The following RSRC1 variants were observed in gnomAD, a reference collection of about 807,000 sequenced individuals.
The protein encoded by RSRC1 is serine/Arginine-related protein 53.
In RSRC1, 39 loss-of-function variants were observed where a neutral mutation model predicts 49.1. The ratio of observed to expected loss-of-function variants is 0.79; its 90% confidence interval spans 0.61 to 1.04. RSRC1 has a LOEUF of 1.04. Among genes scored for constraint, RSRC1 ranks in the 50% least tolerant of loss-of-function variants. The probability of loss-of-function intolerance (pLI) is 0.00; values close to 1 mark genes in which losing one functional copy is unlikely to be tolerated. For missense variants in RSRC1, 388 were observed against 402.4 expected, an observed-to-expected ratio of 0.96 and a Z score of 0.31; for synonymous variants, 143 against 130.8, an observed-to-expected ratio of 1.09 and a Z score of -0.63.
intron 7 of RSRC1, among the ~76,000 whole-genome samples, chr3:158,530,506 A>G (rs1712321137): frequency 6.6e-6 from 1 of 151,888 alleles, no homozygotes; most frequent in Non-Finnish European, 1.5e-5. Flanking sequence ...TCATTAAAAC[A>G]TAAGCTCATG....
chr3:158,209,117 T>A (rs1427261242), intron 4 of RSRC1, among the ~76,000 whole-genome samples: 2 of 152,180 alleles, frequency 1.3e-5, no homozygotes, highest in African/African-American at 4.8e-5. Context: ...AAAATTTGGT[T>A]TCAGGCAGTT....
chr3:158,295,856 A>G (rs1371804021), intron 4 of RSRC1, among the ~76,000 whole-genome samples: 1 of 152,062 alleles, frequency 6.6e-6, no homozygotes, highest in Non-Finnish European at 1.5e-5. Context: ...AAATTAAGTG[A>G]TTTTCCCTAA....
chr3:158,436,828 C>G (rs895428719), intron 6 of RSRC1, among the ~76,000 whole-genome samples: 2 of 151,834 alleles, frequency 1.3e-5, no homozygotes, highest in Non-Finnish European at 1.5e-5. Flanking sequence ...ACTCATTCAA[C>G]TTTTACAATA....
At chr3:158,416,907 GA>G (rs948700212) in intron 6 of RSRC1, among the ~76,000 whole-genome samples, 2 of 151,910 alleles carry the variant, frequency 1.3e-5, no homozygotes, top group African/African-American at 4.8e-5. Flanking sequence ...CGTATCTGAA[GA>G]TTTTTTTTAA....
At chr3:158,361,658 G>A (rs897551775) in intron 6 of RSRC1, among the ~76,000 whole-genome samples, 2 of 152,176 alleles carry the variant, frequency 1.3e-5, no homozygotes, top group Admixed American at 1.3e-4. Flanking sequence ...CTATGCTTAA[G>A]GTTCTAAAGT....
Position 158,450,716 on chromosome 3 carries a change from A to C in RSRC1, c.584-10219A>C, listed in dbSNP as rs1355849857. Among the ~76,000 whole-genome samples the C allele has an allele frequency of 3.3e-5, 5 of 152,092 alleles. No homozygotes were observed. In the South Asian group the frequency reaches 8.3e-4, roughly 25 times the overall value. ...ATGAATTTGATAATTATTACTAATG[A>C]GTTTTTAGGTTATCTGTTGTTCTGA... On this transcript the variant is annotated intron_variant, in intron 6 of 9. Coordinates refer to ENST00000611884, the MANE Select transcript of RSRC1 (RefSeq NM_001271838.2).
At chr3:158,249,567 G>T (rs1724091924) in intron 4 of RSRC1, among the ~76,000 whole-genome samples, 2 of 152,158 alleles carry the variant, frequency 1.3e-5, no homozygotes, top group Non-Finnish European at 2.9e-5. Flanking sequence ...AAAACCAGCT[G>T]CTGTGAAAAT....
intron 7 of RSRC1, among the ~76,000 whole-genome samples, chr3:158,524,208 T>C (rs747176780): frequency 1.3e-5 from 2 of 152,118 alleles, no homozygotes; most frequent in Non-Finnish European, 2.9e-5. Context: ...TCAGTCAGAA[T>C]TACATAAGCT....
At position 158,277,839 on chromosome 3, in the gene RSRC1, C is replaced by T. The variant is rs1489158703; in HGVS notation, c.495-20200C>T. Among the ~76,000 whole-genome samples the T allele has an allele frequency of 2.0e-5, 3 of 152,094 alleles. No individual in the cohort carries two copies. In the East Asian group the frequency reaches 5.8e-4, roughly 29 times the overall value. On this transcript the variant is annotated intron_variant, in intron 4 of 9. Transcript: ENST00000611884. ...CTCACTCTGTGGCCAGGCTTATATA[C>T]TGTGGCAGGATCATGGCTCACTGCA...
At chr3:158,191,075 A>C (rs1250407244) in intron 3 of RSRC1, among the ~76,000 whole-genome samples, 1 of 151,970 alleles carries the variant, frequency 6.6e-6, no homozygotes, top group African/African-American at 2.4e-5. Context: ...GGCATCATTT[A>C]TGATCTTGTT....
intron 1 of RSRC1, among the ~76,000 whole-genome samples, chr3:158,111,132 A>G (rs558604938): frequency 6.6e-6 from 1 of 152,366 alleles, no homozygotes; most frequent in East Asian, 1.9e-4. Context: ...TAAAAGTTCT[A>G]AGTGAAGGAG....
At chr3:158,514,074 G>C (rs1740360318) in intron 7 of RSRC1, among the ~76,000 whole-genome samples, 2 of 152,208 alleles carry the variant, frequency 1.3e-5, no homozygotes, top group South Asian at 2.1e-4. Flanking sequence ...CCAGCTCCTG[G>C]ATTCATTAAT....
At chr3:158,307,930 A>T (rs560865751) in intron 5 of RSRC1, among the ~76,000 whole-genome samples, 1 of 152,084 alleles carries the variant, frequency 6.6e-6, no homozygotes, top group South Asian at 2.1e-4. Context: ...TGATTAAAAC[A>T]TAGCTTTATA....
intron 5 of RSRC1, among the ~76,000 whole-genome samples, chr3:158,301,038 T>A (rs902016689): frequency 2.6e-5 from 4 of 152,164 alleles, no homozygotes; most frequent in Non-Finnish European, 4.4e-5. Flanking sequence ...TTTACTTAAG[T>A]TTTTTACAGT....
At chr3:158,515,467 C>T (rs925561712) in intron 7 of RSRC1, among the ~76,000 whole-genome samples, 11 of 136,846 alleles carry the variant, frequency 8.0e-5, no homozygotes, top group African/African-American at 1.7e-4. Context: ...CCGAGAGATC[C>T]GCTGTTAGTC....
At chr3:158,198,898 T>C (rs1054605744) in intron 3 of RSRC1, among the ~76,000 whole-genome samples, 11 of 152,184 alleles carry the variant, frequency 7.2e-5, no homozygotes, top group Non-Finnish European at 1.6e-4. Context: ...CCATTAGAGA[T>C]GGACAAGGAC....
At position 158,319,401 on chromosome 3, in the gene RSRC1, G is replaced by A. The variant is rs563859444; in HGVS notation, c.531+21326G>A. 2.0e-5 allele frequency among the ~76,000 whole-genome samples: 3 copies of A among 152,252 alleles called. No individual in the cohort carries two copies. In the South Asian group the frequency reaches 6.2e-4, roughly 32 times the overall value. ...CCTCCCCAGCCATGCGGAACTGTGA[G>A]TCAATTAAACCTCTTTTCTTTATAA... On this transcript the variant is annotated intron_variant, in intron 5 of 9. Transcript: ENST00000611884.
intron 2 of RSRC1, 48 bp from the exon 3 acceptor site, chr3:158,123,818 A>G: frequency 2.6e-6 from 4 of 1,551,136 alleles, no homozygotes; most frequent in South Asian, 2.4e-5. Flanking sequence ...CTTAATGCTC[A>G]TAATAAAAAT....
chr3:158,191,782 T>C (rs935152593), intron 3 of RSRC1, among the ~76,000 whole-genome samples: 1 of 152,048 alleles, frequency 6.6e-6, no homozygotes, highest in Non-Finnish European at 1.5e-5. Flanking sequence ...ATAGTTTCTT[T>C]GGCTTTTTGT....
Sources: allele counts gnomAD v4.1 joint callset (sites outside exome capture counted in the v4.1 genomes callset), GRCh38; gene constraint gnomAD v4.1.1; transcripts MANE v1.5; gene names NCBI Gene and HGNC (gene_info 2026-07-23, HGNC 2026-07-21).